FGFR2: variants seen among roughly 807,000 people sequenced by gnomAD.
FGFR2 encodes BEK fibroblast growth factor receptor.
In FGFR2, 19 loss-of-function variants were observed where a neutral mutation model predicts 95.9. The ratio of observed to expected loss-of-function variants is 0.20; its 90% CI spans 0.14 to 0.29. FGFR2 has a LOEUF of 0.29. Among genes scored for constraint, FGFR2 ranks in the 10% least tolerant of loss-of-function variants. The probability of loss-of-function intolerance (pLI) is 1.00; values close to 1 mark genes in which losing one functional copy is unlikely to be tolerated. For missense variants in FGFR2, 707 were observed against 1,056.9 expected, an observed-to-expected ratio of 0.67 and a Z score of 4.59; for synonymous variants, 392 against 393.3, an observed-to-expected ratio of 1.00 and a Z score of 0.04.
chr10:121,525,629 GAGA>G (rs1349742531), intron 6 of FGFR2, among the ~76,000 whole-genome samples: 1 of 5,296 alleles, frequency 1.9e-4, no homozygotes, highest in African/African-American at 2.0e-4. Context: ...TTGAGGGAGA[GAGA>G]GAGAGAGAGA....
chr10:121,591,936 A>C (rs995977932), intron 2 of FGFR2, among the ~76,000 whole-genome samples: 1 of 152,060 alleles, frequency 6.6e-6, no homozygotes, highest in African/African-American at 2.4e-5. Flanking sequence ...CCTCTGCCTC[A>C]CCTGTCCCTC....
At chr10:121,541,353 G>A (rs1853709145) in intron 5 of FGFR2, among the ~76,000 whole-genome samples, 1 of 152,214 alleles carries the variant, frequency 6.6e-6, no homozygotes, top group African/African-American at 2.4e-5. Context: ...GGACACTTTT[G>A]TAGGGGATAT....
chr10:121,585,469 C>G (rs1281443675), intron 2 of FGFR2, among the ~76,000 whole-genome samples: 1 of 152,214 alleles, frequency 6.6e-6, no homozygotes, highest in Admixed American at 6.5e-5. Context: ...AACACCTACT[C>G]TGGGCCAGGA....
chr10:121,594,082 T>C (rs1000287345), intron 1 of FGFR2, 115 bp from the exon 2 acceptor site: 87 of 569,138 alleles, frequency 1.5e-4, no homozygotes, highest in Non-Finnish European at 1.3e-4. Flanking sequence ...GAGTTCTTTT[T>C]CATTATCTGC....
At chr10:121,509,656 T>G (rs1848799642) in intron 9 of FGFR2, among the ~76,000 whole-genome samples, 1 of 151,856 alleles carries the variant, frequency 6.6e-6, no homozygotes, top group Non-Finnish European at 1.5e-5. Flanking sequence ...GCTAATTTTG[T>G]ATTTTTAGTA....
intron 10 of FGFR2, among the ~76,000 whole-genome samples, chr10:121,502,971 CAGG>C (rs1847791642): frequency 6.6e-6 from 1 of 152,196 alleles, no homozygotes; most frequent in Admixed American, 6.5e-5. Flanking sequence ...TCAGAGCTCC[CAGG>C]TTACCACCAC....
At chr10:121,558,557 T>C (rs1291210535) in intron 4 of FGFR2, among the ~76,000 whole-genome samples, 1 of 151,904 alleles carries the variant, frequency 6.6e-6, no homozygotes, top group Admixed American at 6.6e-5. Context: ...AATCAGCCCA[T>C]GGCTGGGTTT....
At chr10:121,501,061 TATC>T in intron 10 of FGFR2, 114 bp from the exon 11 acceptor site, 1 of 1,462,054 alleles carries the variant, frequency 6.8e-7, no homozygotes, top group African/African-American at 1.4e-5. Context: ...ATGGAGTGCT[TATC>T]ATATGGAACT....
chr10:121,485,625 C>G lies in FGFR2; in HGVS notation c.2058-93G>C, dbSNP rs1254692456. The stretch of plus-strand genomic sequence containing the variant: ...CTGAGACATAAACACCTCCTCACTT[C>G]TGAAGTTCAAAGACAAATGGGCCCT... On this transcript the variant is annotated intron_variant, in intron 15 of 17. Coordinates refer to ENST00000358487, the MANE Select transcript of FGFR2 (RefSeq NM_000141.5). The surrounding 1 kb of genome is among the most constrained non-coding windows in gnomAD (Gnocchi z 4.2). The G allele has an allele frequency of 1.1e-5, 17 of 1,567,372 alleles. No individual in the cohort carries two copies. The highest frequency in any genetic ancestry group is 1.4e-5 in the Non-Finnish European group (16 of 1,145,182).
intron 4 of FGFR2, among the ~76,000 whole-genome samples, chr10:121,553,348 A>C (rs960393854): frequency 4.6e-5 from 7 of 152,162 alleles, no homozygotes; most frequent in Non-Finnish European, 7.3e-5. Context: ...CTGGGTGTTG[A>C]ATGCCCATAA....
intron 9 of FGFR2, among the ~76,000 whole-genome samples, chr10:121,513,768 C>T (rs958922633): frequency 6.6e-6 from 1 of 152,106 alleles, no homozygotes; most frequent in Admixed American, 6.5e-5. Context: ...TTTGGTCATT[C>T]GCCTACGCTT....
chr10:121,532,993 A>G (rs1004819632), intron 6 of FGFR2, among the ~76,000 whole-genome samples: 1 of 152,176 alleles, frequency 6.6e-6, no homozygotes, highest in African/African-American at 2.4e-5. Context: ...TCCAGAAGTG[A>G]CATGCGGCCT....
rs527570655 is a variant in FGFR2 at position 121,598,182 on chromosome 10, G to A, written c.-371C>T. The A allele has an allele frequency of 1.2e-4, 48 of 397,990 alleles. No homozygotes were observed. The highest frequency in any genetic ancestry group is 2.2e-5 in the Non-Finnish European group (5 of 225,744). 24.7% of individuals were successfully genotyped at this position (397,990 alleles called of 1,614,324 possible). A position where few individuals can be genotyped will look rare whatever the true frequency, so the allele number is the denominator to read the frequency against. On this transcript the variant is annotated 5_prime_UTR_variant, in exon 1 of 18. Transcript: ENST00000358487. ...CGGGCTGCCCTCGGATTTGGGGAAC[G>A]AGAGGAAGAAAGGACTCAGGCTTGG...
chr10:121,556,440 CA>C (rs1856170694), intron 4 of FGFR2, among the ~76,000 whole-genome samples: 1 of 127,494 alleles, frequency 7.8e-6, no homozygotes, highest in African/African-American at 4.2e-5. Flanking sequence ...TCTCTGGAAC[CA>C]AAAAACAGAG....
chr10:121,567,271 T>C (rs1857818278), intron 2 of FGFR2, among the ~76,000 whole-genome samples: 1 of 152,014 alleles, frequency 6.6e-6, no homozygotes, highest in Non-Finnish European at 1.5e-5. Flanking sequence ...GCCCGGGGCT[T>C]CTCAAGGGGG....
intron 6 of FGFR2, among the ~76,000 whole-genome samples, chr10:121,524,103 C>T (rs57808555): frequency 2.5e-4 from 12 of 48,698 alleles, no homozygotes; most frequent in African/African-American, 8.8e-4. Context: ...GCTATGTATA[C>T]ACACACACAC....
intron 5 of FGFR2, among the ~76,000 whole-genome samples, chr10:121,540,229 T>C (rs1853496943): frequency 6.6e-6 from 1 of 152,174 alleles, no homozygotes; most frequent in Admixed American, 6.5e-5. Flanking sequence ...CTGGAGCTGG[T>C]GATGGGAAAC....
At chr10:121,556,206 C>A (rs1856110049) in intron 4 of FGFR2, among the ~76,000 whole-genome samples, 1 of 152,134 alleles carries the variant, frequency 6.6e-6, no homozygotes, top group Non-Finnish European at 1.5e-5. Context: ...TGATTAAGGT[C>A]CCCGCCAGTT....
At chr10:121,548,245 C>CTTTTTTTTTTTTTTTTTTTTTTTTTT (rs57061338) in intron 5 of FGFR2, among the ~76,000 whole-genome samples, 2 of 46,698 alleles carry the variant, frequency 4.3e-5, no homozygotes, top group East Asian at 1.1e-3. Context: ...CGCTTTTGGC[C>CTTTTTTTTTTTTTTTTTTTTTTTTTT]TTTTTTTTTT....
Sources: gnomAD v4.1 joint callset for allele counts (sites outside exome capture counted in the v4.1 genomes callset) on GRCh38, gnomAD v4.1.1 for gene constraint, Gnocchi (gnomAD v3.1) non-coding constraint, MANE v1.5 for transcripts, NCBI Gene and HGNC (gene_info 2026-07-23, HGNC 2026-07-21) for gene names.